The following ME1 variants were observed in gnomAD, a reference collection of about 807,000 sequenced individuals.
The protein encoded by ME1 is NADP-dependent malic enzyme.
In ME1, 74 loss-of-function variants were observed where a neutral mutation model predicts 66.4. That is an observed-to-expected ratio of 1.11 (90% confidence interval 0.92 to 1.35). The LOEUF is 1.35. Among genes scored for constraint, ME1 ranks in the 40% most tolerant of loss-of-function variants. The pLI is 0.00. For synonymous variants in ME1, 251 were observed against 235.6 expected (o/e 1.07, Z -0.60); for missense variants, 750 against 694.1 (o/e 1.08, Z -0.90).
intron 5 of ME1, among the ~76,000 whole-genome samples, chr6:83,324,571 T>G (rs1458048901): frequency 6.6e-6 from 1 of 151,534 alleles, no homozygotes; most frequent in Non-Finnish European, 1.5e-5. Context: ...ACAAATAAAC[T>G]AGTAAATAAC....
intron 7 of ME1, among the ~76,000 whole-genome samples, chr6:83,249,877 A>T (rs1411455610): frequency 2.0e-5 from 3 of 152,084 alleles, no homozygotes; most frequent in Non-Finnish European, 4.4e-5. Flanking sequence ...CCCATCTAAC[A>T]GTCTTTTTAT....
chr6:83,349,015 A>AAAAAAAAAAAAAAAAAAC (rs746037012), intron 4 of ME1, among the ~76,000 whole-genome samples: 4 of 124,072 alleles, frequency 3.2e-5, no homozygotes, highest in African/African-American at 9.3e-5. Context: ...AAAACAAAAA[A>AAAAAAAAAAAAAAAAAAC]CAGTGCATTC....
rs185866969 is a variant in ME1 at position 83,401,234 on chromosome 6, G to T, written c.213-2718C>A. Among the ~76,000 whole-genome samples the T allele has an allele frequency of 3.0e-3, 456 of 152,252 alleles. 2 individuals are homozygous for T. Among genetic ancestry groups the T allele is most frequent in the South Asian group, 9.7e-3 (47 of 4,828 alleles). On this transcript the variant is annotated intron_variant, in intron 2 of 13. Transcript: ENST00000369705. ...CCTGTAGTCCTAGCTACTTGGAAGG[G>T]TGAGGCAGGAGAACTGTTTGAGCCC...
intron 3 of ME1, among the ~76,000 whole-genome samples, chr6:83,356,806 T>C (rs1406514091): frequency 6.6e-6 from 1 of 152,202 alleles, no homozygotes; most frequent in East Asian, 1.9e-4. Context: ...CACTACCAAA[T>C]GATGTAATGC....
Position 83,216,629 on chromosome 6 carries a change from T to C in ME1, c.1450-33A>G, listed in dbSNP as rs770405129. 4 of 1,429,322 alleles carry C rather than the reference T, an allele frequency of 2.8e-6. No homozygotes were observed. The South Asian group carries it at 3.6e-5, about 13-fold the overall frequency. 88.5% of individuals were successfully genotyped at this position (1,429,322 alleles called of 1,614,324 possible). A position where few individuals can be genotyped will look rare whatever the true frequency, so the allele number is the denominator to read the frequency against. On this transcript the variant is annotated intron_variant, in intron 12 of 13. Coordinates refer to ENST00000369705, the MANE Select transcript of ME1 (RefSeq NM_002395.6). Reference sequence around the variant, plus strand: ...AAAAAAGAAAGAAAAAAAGTGTTTATACTTCACACGATACAATGTGGTGGG... The same window carrying C: ...AAAAAAGAAAGAAAAAAAGTGTTTACACTTCACACGATACAATGTGGTGGG...
intron 3 of ME1, among the ~76,000 whole-genome samples, chr6:83,355,336 G>C (rs180699069): frequency 1.3e-5 from 2 of 152,172 alleles, no homozygotes; most frequent in Admixed American, 1.3e-4. Flanking sequence ...CAAGGCTTTG[G>C]GGTATCCAGT....
intron 7 of ME1, among the ~76,000 whole-genome samples, chr6:83,249,040 CT>C (rs1470459936): frequency 6.6e-6 from 1 of 152,008 alleles, no homozygotes; most frequent in African/African-American, 2.4e-5. Flanking sequence ...ACTTAGGCAT[CT>C]TTGTCATGAA....
At position 83,228,949 on chromosome 6, in the gene ME1, G is replaced by GA. The variant is rs773294811; in HGVS notation, c.1027-19dup. 6.4e-7 allele frequency: 1 copy of GA among 1,554,834 alleles called. No individual in the cohort carries two copies. The highest frequency in any genetic ancestry group is 1.4e-5 in the African/African-American group (1 of 71,980). ...GCACGTCCCTAAGTAAAGCCAGTAA[G>GA]AAAAAATTAAGAATCTGCCAAACAT... On this transcript the variant is annotated intron_variant, in intron 9 of 13. Coordinates refer to ENST00000369705, the MANE Select transcript of ME1 (RefSeq NM_002395.6).
At chr6:83,272,511 A>C (rs1432347068) in intron 6 of ME1, among the ~76,000 whole-genome samples, 1 of 152,192 alleles carries the variant, frequency 6.6e-6, no homozygotes, top group Non-Finnish European at 1.5e-5. Flanking sequence ...AGAAGTTGAA[A>C]CAAAGGATAT....
At chr6:83,418,397 C>T (rs879830518) in intron 1 of ME1, among the ~76,000 whole-genome samples, 2 of 152,000 alleles carry the variant, frequency 1.3e-5, no homozygotes, top group African/African-American at 2.4e-5. Flanking sequence ...AGTCCAAGGG[C>T]AGGAAAAATT....
At chr6:83,395,818 C>T (rs1583415923) in intron 3 of ME1, among the ~76,000 whole-genome samples, 2 of 147,556 alleles carry the variant, frequency 1.4e-5, no homozygotes, top group South Asian at 4.3e-4. Context: ...AAGTCCTAGC[C>T]AAAACAATTA....
intron 4 of ME1, among the ~76,000 whole-genome samples, chr6:83,347,368 TC>T (rs1358266725): frequency 6.6e-6 from 1 of 152,220 alleles, no homozygotes; most frequent in Non-Finnish European, 1.5e-5. Flanking sequence ...GTGATTCATG[TC>T]AGTTATATGA....
intron 6 of ME1, among the ~76,000 whole-genome samples, chr6:83,281,846 C>CA (rs1562468375): frequency 4.4e-5 from 3 of 67,714 alleles, no homozygotes; most frequent in African/African-American, 1.1e-4. Context: ...GAAAAGAAAA[C>CA]AAAAAAGAGA....
chr6:83,389,864 G>A (rs1769585681), intron 3 of ME1, among the ~76,000 whole-genome samples: 1 of 152,042 alleles, frequency 6.6e-6, no homozygotes, highest in South Asian at 2.1e-4. Context: ...GACATAAGCA[G>A]ATTGCACTAC....
At chr6:83,320,366 G>A (rs567137972) in intron 5 of ME1, among the ~76,000 whole-genome samples, 15 of 152,274 alleles carry the variant, frequency 9.9e-5, no homozygotes, top group East Asian at 9.6e-4. Flanking sequence ...ACCCTCTGTC[G>A]TTGTGAAATT....
chr6:83,377,690 T>A lies in ME1; in HGVS notation c.362+20677A>T, dbSNP rs111301410. 8.8e-4 allele frequency among the ~76,000 whole-genome samples: 134 copies of A among 152,208 alleles called. 1 individual carries two copies. The highest frequency in any genetic ancestry group is 2.7e-3 in the African/African-American group (112 of 41,556). On this transcript the variant is annotated intron_variant, in intron 3 of 13. Transcript: ENST00000369705. ...GTAAATAATTATTTGAAAAAAAATG[T>A]ATATGAAGCCTTTGGGATCTCAGCC...
chr6:83,237,962 A>G (rs1252829468), intron 8 of ME1, 132 bp from the exon 9 acceptor site: 1 of 488,724 alleles, frequency 2.0e-6, no homozygotes, highest in African/African-American at 2.0e-5. Flanking sequence ...CCAAATAACA[A>G]TTATTTACCC....
intron 3 of ME1, among the ~76,000 whole-genome samples, chr6:83,357,722 G>C (rs1583398842): frequency 6.6e-6 from 1 of 151,680 alleles, no homozygotes; most frequent in South Asian, 2.1e-4. Context: ...AATGTGAAAA[G>C]AGAGGCTTGC....
In ME1 at chr6:83,257,231, C is replaced by A. The variant is rs529516331; in HGVS notation, c.705-3493G>T. 5.3e-5 allele frequency among the ~76,000 whole-genome samples: 8 copies of A among 151,514 alleles called. No individual in the cohort carries two copies. The East Asian group carries it at 1.5e-3, about 29-fold the overall frequency. On this transcript the variant is annotated intron_variant, in intron 6 of 13. Transcript: ENST00000369705. ...TAAAAAATAAATAAAATTAAGACATCTTTAGATAAATAAAAATCAAAAGAC... is the reference window on the plus strand; with the variant it reads ...TAAAAAATAAATAAAATTAAGACATATTTAGATAAATAAAAATCAAAAGAC...
Sources: gnomAD v4.1 joint callset for allele counts (sites outside exome capture counted in the v4.1 genomes callset) on GRCh38, gnomAD v4.1.1 for gene constraint, MANE v1.5 for transcripts, NCBI Gene and HGNC (gene_info 2026-07-23, HGNC 2026-07-21) for gene names.